Variants in HNRNPK observed in about 807,000 individuals in gnomAD.
The protein encoded by HNRNPK is heterogeneous nuclear ribonucleoprotein K.
A neutral mutation model predicts 67.0 loss-of-function variants in HNRNPK; 7 were observed. That is an observed-to-expected ratio of 0.10 (90% confidence interval 0.06 to 0.20). The LOEUF is 0.20. Ranked by LOEUF, HNRNPK falls within the 10% of genes least tolerant of loss-of-function variation. The pLI is 1.00. For missense variants in HNRNPK, 264 were observed against 606.5 expected (o/e 0.44, Z 5.93); for synonymous variants, 213 against 193.7 (o/e 1.10, Z -0.83).
chr9:83,975,355 C>A, intron 6 of HNRNPK, 107 bp downstream of exon 6: 1 of 1,025,114 alleles, frequency 9.8e-7, no homozygotes, highest in Non-Finnish European at 1.5e-6. Flanking sequence ...ACTTGAAAAA[C>A]AATACACCGT....
rs1588434217 is a variant in HNRNPK at position 83,977,633 on chromosome 9, C to CA, written c.156+55_156+56insT. 4.4e-5 allele frequency: 46 copies of CA among 1,039,150 alleles called. No homozygotes were observed. The East Asian group carries it at 1.1e-3, about 25-fold the overall frequency. The allele number at this position is 1,039,150 out of a possible 1,614,324, so 64.4% of individuals were successfully genotyped here. A position where few individuals can be genotyped will look rare whatever the true frequency, so the allele number is the denominator to read the frequency against. On this transcript the variant is annotated intron_variant, in intron 4 of 16. Transcript: ENST00000376263. ...GACTTTCTAGAAAGCCAAACCAGAC[C>CA]TTAATTTCTACCTGAGTATGAACCA...
In HNRNPK at chr9:83,970,724, T is replaced by TA. The variant is rs750677424; in HGVS notation, c.1191+12dup. On this transcript the variant is annotated intron_variant, in intron 15 of 16. Transcript: ENST00000376263. ...AGTGATAAAATGTTCCTGGTAGTAT[T>TA]AAAGATACTTACATCTTTGGGAATA... 1.4e-6 allele frequency: 2 copies of TA among 1,409,584 alleles called. No homozygotes were observed. The highest frequency in any genetic ancestry group is 1.2e-5 in the South Asian group (1 of 85,162). The allele number at this position is 1,409,584 out of a possible 1,614,324, so 87.3% of individuals were successfully genotyped here. A position where few individuals can be genotyped will look rare whatever the true frequency, so the allele number is the denominator to read the frequency against.
Position 83,977,060 on chromosome 9 carries a change from G to T in HNRNPK, c.157-9C>A. 6.2e-7 allele frequency: 1 copy of T among 1,605,836 alleles called. No homozygotes were observed. The highest frequency in any genetic ancestry group is 8.5e-7 in the Non-Finnish European group (1 of 1,172,768). ...ATCACTGCCCCAGCATTCTGGAGAA[G>T]ATACAAAGACAAAAAATTATTTTGC... is the stretch of plus-strand genomic sequence containing the variant. On this transcript the variant is annotated splice_polypyrimidine_tract_variant and intron_variant, in intron 4 of 16. Transcript: ENST00000376263.
intron 8 of HNRNPK, 69 bp downstream of exon 8, chr9:83,973,833 T>C: frequency 8.5e-7 from 1 of 1,176,594 alleles, no homozygotes; most frequent in Non-Finnish European, 1.3e-6. Context: ...GCACACTATG[T>C]TAAAAATATA....
In HNRNPK at chr9:83,971,861, AC is replaced by A; in HGVS notation, c.953+20del. On this transcript the variant is annotated intron_variant, in intron 11 of 16. Coordinates refer to ENST00000376263, the MANE Select transcript of HNRNPK (RefSeq NM_031263.4). ...ATAGATGGGGGAAGAAAAAACAACA[AC>A]AACAAAAAAAACAACTTACCCCCCT... 1 of 1,556,726 alleles carries A rather than the reference AC, an allele frequency of 6.4e-7. No homozygotes were observed. Among genetic ancestry groups the A allele is most frequent in the Non-Finnish European group, 8.7e-7 (1 of 1,153,828 alleles).
chr9:83,971,853 AAAC>A lies in HNRNPK; in HGVS notation c.953+26_953+28del, dbSNP rs544665964. On this transcript the variant is annotated intron_variant, in intron 11 of 16. Transcript: ENST00000376263. The stretch of plus-strand genomic sequence containing the variant: ...AATAATTCATAGATGGGGGAAGAAA[AAAC>A]AACAACAACAAAAAAAACAACTTAC... 5.8e-4 allele frequency: 909 copies of A among 1,558,814 alleles called. 2 individuals carry two copies. The African/African-American group carries it at 6.7e-3, about 11-fold the overall frequency.
rs909759491 is a variant in HNRNPK, at chr9:83,976,981, C to T, written c.213+14G>A. 1.9e-6 allele frequency: 3 copies of T among 1,558,002 alleles called. No homozygotes were observed. Among genetic ancestry groups the T allele is most frequent in the South Asian group, 1.1e-5 (1 of 89,424 alleles). On this transcript the variant is annotated intron_variant, in intron 5 of 16. Transcript: ENST00000376263. ...GAAGCTGCTCGTGTAGTAGTTTAAA[C>T]TCTTAATACTTACGTCTGTACGGAG...
Position 83,971,596 on chromosome 9 carries a change from A to G in HNRNPK, c.1008+76T>C, listed in dbSNP as rs1179065016. 5 of 1,233,452 alleles carry G rather than the reference A, an allele frequency of 4.1e-6. No individual in the cohort carries two copies. In the Admixed American group the frequency reaches 8.9e-5, roughly 22 times the overall value. The allele number at this position is 1,233,452 out of a possible 1,614,324, so 76.4% of individuals were successfully genotyped here. A position where few individuals can be genotyped will look rare whatever the true frequency, so the allele number is the denominator to read the frequency against. ...TAAGAAAAACTTTTTAATCACTATA[A>G]CCTTCAACAAAACGTGAACTACATT... On this transcript the variant is annotated intron_variant, in intron 12 of 16. Coordinates refer to ENST00000376263, the MANE Select transcript of HNRNPK (RefSeq NM_031263.4).
At chr9:83,974,112 A>G in intron 7 of HNRNPK, 139 bp from the exon 8 acceptor site, 1 of 555,962 alleles carries the variant, frequency 1.8e-6, no homozygotes, top group Non-Finnish European at 3.2e-6. Context: ...CAACATTAAG[A>G]CGATTCAAAA....
At chr9:83,978,521 C>T (rs1957178135) in intron 1 of HNRNPK, 69 bp from the exon 2 acceptor site, 1 of 387,004 alleles carries the variant, frequency 2.6e-6, no homozygotes. Context: ...TTTCCGATCA[C>T]AGTGAATACT....
chr9:83,970,148 A>G lies in HNRNPK; in HGVS notation c.1361+14T>C, dbSNP rs772192396. 1 of 1,598,708 alleles carries G rather than the reference A, an allele frequency of 6.3e-7. No individual in the cohort carries two copies. Among genetic ancestry groups the G allele is most frequent in the Non-Finnish European group, 8.5e-7 (1 of 1,171,832 alleles). ...AGTATGTATAAGCTAACACAAAGCT[A>G]AACTTAAACTGACCTGTTCTGCAGC... On this transcript the variant is annotated intron_variant, in intron 16 of 16. Coordinates refer to ENST00000376263, the MANE Select transcript of HNRNPK (RefSeq NM_031263.4).
intron 5 of HNRNPK, chr9:83,976,779 G>T: frequency 2.5e-6 from 1 of 399,422 alleles, no homozygotes. Context: ...ATTAAAATGT[G>T]AAGAGGTTTG....
chr9:83,971,050 T>C (rs1296195650), intron 13 of HNRNPK, 138 bp from the exon 14 acceptor site: 1 of 847,834 alleles, frequency 1.2e-6, no homozygotes, highest in African/African-American at 1.7e-5. Context: ...CAAGTGATCC[T>C]CCTGCCTCAG....
chr9:83,970,735 A>T lies in HNRNPK; in HGVS notation c.1191+2T>A. ...GTTCCTGGTAGTATTAAAGATACTT[A>T]CATCTTTGGGAATAGTTACTTGTGT... On this transcript the variant is annotated splice_donor_variant, in intron 15 of 16. Coordinates refer to ENST00000376263, the MANE Select transcript of HNRNPK (RefSeq NM_031263.4). LOFTEE classifies it high-confidence loss of function. 1 of 1,496,272 alleles carries T rather than the reference A, an allele frequency of 6.7e-7. No homozygotes were observed. Among genetic ancestry groups the T allele is most frequent in the Non-Finnish European group, 9.3e-7 (1 of 1,074,146 alleles). 92.7% of individuals were successfully genotyped at this position (1,496,272 alleles called of 1,614,324 possible). A position where few individuals can be genotyped will look rare whatever the true frequency, so the allele number is the denominator to read the frequency against.
chr9:83,968,270 T>C lies in HNRNPK; in HGVS notation c.*1137A>G, dbSNP rs961991561. 11 of 152,336 alleles carry C rather than the reference T, an allele frequency of 7.2e-5. No homozygotes were observed. The highest frequency in any genetic ancestry group is 2.4e-4 in the African/African-American group (10 of 41,386). 9.4% of individuals were successfully genotyped at this position (152,336 alleles called of 1,614,324 possible). On this transcript the variant is annotated 3_prime_UTR_variant, in exon 17 of 17. Transcript: ENST00000376263. ...CACAAAACATCCACAGGAACTTTTT[T>C]CATCTTTTTTTTTTTTGAATTGTAC... is the stretch of plus-strand genomic sequence containing the variant.
At position 83,972,009 on chromosome 9, in the gene HNRNPK, A is replaced by T; in HGVS notation, c.826T>A (p.Ser276Thr). Reference sequence around the variant, plus strand: ...CTCATATCATCATAATCTCTTCTAGATGGAGGCATGGGACGCCCACCCCGA... The same window carrying T: ...CTCATATCATCATAATCTCTTCTAGTTGGAGGCATGGGACGCCCACCCCGA... ...PGRGGRPMPP[S>T]RRDYDDMSPR... The change falls in exon 11 of 17, where the codon TCT becomes ACT. Residue 276 changes from serine (S) to threonine (T), a missense_variant. Around this residue, in one of 6 missense-constraint regions of HNRNPK, gnomAD observed 142 missense variants for 256.5 expected, o/e 0.55. Transcript: ENST00000376263. The T allele has an allele frequency of 1.2e-6, 2 of 1,613,798 alleles. No individual in the cohort carries two copies. Among genetic ancestry groups the T allele is most frequent in the Non-Finnish European group, 1.7e-6 (2 of 1,179,834 alleles).
chr9:83,971,504 A>C, intron 12 of HNRNPK, 148 bp from the exon 13 acceptor site: 1 of 808,742 alleles, frequency 1.2e-6, no homozygotes, highest in Non-Finnish European at 2.1e-6. Context: ...AAAGCTCAAT[A>C]AAGTCGTAAT....
At chr9:83,971,623 T>C (rs749426272) in intron 12 of HNRNPK, 49 bp downstream of exon 12, 4 of 1,451,018 alleles carry the variant, frequency 2.8e-6, no homozygotes, top group Non-Finnish European at 3.9e-6. Flanking sequence ...AACTACATTG[T>C]GACAACCCTC....
chr9:83,975,568 T>A (rs1352518789), intron 5 of HNRNPK, 63 bp from the exon 6 acceptor site: 1 of 1,349,502 alleles, frequency 7.4e-7, no homozygotes, highest in Non-Finnish European at 1.1e-6. Context: ...TCAGAAGTTG[T>A]CAAGTATGGT....
Sources: allele counts gnomAD v4.1 joint callset, GRCh38; gene constraint gnomAD v4.1.1; regional missense constraint gnomAD v4.1.1; transcripts MANE v1.5; gene names NCBI Gene and HGNC (gene_info 2026-07-23, HGNC 2026-07-21).